The following AP3B1 variants were observed in gnomAD, a reference collection of about 807,000 sequenced individuals.
AP3B1 encodes the protein AP-3 complex subunit beta-1.
Under a neutral mutation model 132.5 loss-of-function variants are expected in AP3B1, and 61 were observed. The ratio of observed to expected loss-of-function variants is 0.46; its 90% confidence interval spans 0.37 to 0.57. The LOEUF (loss-of-function observed/expected upper bound fraction) is 0.57, where lower values mean the gene tolerates loss of function less well. AP3B1 is among the 20% of genes least tolerant of loss of function. The pLI, the probability that AP3B1 is intolerant of heterozygous loss-of-function variation, is 0.00. For synonymous variants in AP3B1, 388 were observed against 438.3 expected (o/e 0.89, Z 1.43); for missense variants, 1,120 against 1,289.4 (o/e 0.87, Z 2.01).
Position 78,148,937 on chromosome 5 carries a change from C to T in AP3B1, c.1473+7321G>A, listed in dbSNP as rs142552334. On this transcript the variant is annotated intron_variant, in intron 14 of 26. Transcript: ENST00000255194. Reference sequence around the variant, plus strand: ...AGCAGTGTTACAATGACTAGAGACACGACTGAATTTTGATGCTTGGTGGAT... The same window carrying T: ...AGCAGTGTTACAATGACTAGAGACATGACTGAATTTTGATGCTTGGTGGAT... Among the ~76,000 whole-genome samples, 321 of 152,218 alleles carry T rather than the reference C, an allele frequency of 2.1e-3. 7 individuals carry two copies. The highest frequency in any genetic ancestry group is 0.02 in the East Asian group (103 of 5,182).
At chr5:78,074,959 A>G (rs1468644654) in intron 22 of AP3B1, among the ~76,000 whole-genome samples, 1 of 152,210 alleles carries the variant, frequency 6.6e-6, no homozygotes, top group Non-Finnish European at 1.5e-5. Context: ...TTCTTCTACT[A>G]TATTAGAAAA....
chr5:78,002,733 A>G lies in AP3B1; in HGVS notation c.*169T>C, dbSNP rs1746236187. Reference sequence around the variant, plus strand: ...AAAGCAAAAAGGGGGAAAGTATTGCATACATGATAGATACACACTAGCATT... The same window carrying G: ...AAAGCAAAAAGGGGGAAAGTATTGCGTACATGATAGATACACACTAGCATT... On this transcript the variant is annotated 3_prime_UTR_variant, in exon 27 of 27. Transcript: ENST00000255194. 3 of 788,728 alleles carry G rather than the reference A, an allele frequency of 3.8e-6. No homozygotes were observed. The highest frequency in any genetic ancestry group is 6.5e-6 in the Non-Finnish European group (3 of 460,922). The allele number at this position is 788,728 out of a possible 1,614,324, so 48.9% of individuals were successfully genotyped here. A position where few individuals can be genotyped will look rare whatever the true frequency, so the allele number is the denominator to read the frequency against.
At chr5:78,136,173 A>G (rs1445781390) in intron 15 of AP3B1, among the ~76,000 whole-genome samples, 1 of 152,162 alleles carries the variant, frequency 6.6e-6, no homozygotes, top group African/African-American at 2.4e-5. Context: ...CCTAAGAAGA[A>G]TACAGCAGTT....
At chr5:78,278,941 C>A (rs971151369) in intron 1 of AP3B1, among the ~76,000 whole-genome samples, 1 of 152,072 alleles carries the variant, frequency 6.6e-6, no homozygotes, top group African/African-American at 2.4e-5. Context: ...CCAACCCCCA[C>A]CCCCTTCCAT....
intron 17 of AP3B1, among the ~76,000 whole-genome samples, chr5:78,121,306 A>G (rs1232353751): frequency 1.3e-5 from 2 of 152,162 alleles, no homozygotes; most frequent in Non-Finnish European, 2.9e-5. Flanking sequence ...GAGCAAACAC[A>G]TTCAAAAGCT....
chr5:78,110,237 T>C lies in AP3B1; in HGVS notation c.2367A>G (p.Glu789=). 1 of 1,607,868 alleles carries C rather than the reference T, an allele frequency of 6.2e-7. No homozygotes were observed. Among genetic ancestry groups the C allele is most frequent in the East Asian group, 2.2e-5 (1 of 44,754 alleles). ...SSDSESESEP[E]SESESRRVTK... ...TGACTCTTCTGGATTCAGATTCACTTTCAGGTTCTGACTCTGATTCAGAAT... is the reference window on the plus strand; with the variant it reads ...TGACTCTTCTGGATTCAGATTCACTCTCAGGTTCTGACTCTGATTCAGAAT... Residue 789 remains glutamate (E), a synonymous_variant, in exon 20 of 27, where the codon GAA becomes GAG. Transcript: ENST00000255194.
chr5:78,170,764 T>C (rs946994471), intron 11 of AP3B1, among the ~76,000 whole-genome samples: 13 of 152,232 alleles, frequency 8.5e-5, no homozygotes, highest in Non-Finnish European at 1.9e-4. Context: ...ATTTTGGCTT[T>C]TGTTACCATT....
At chr5:78,194,140 G>A (rs1001507854) in intron 7 of AP3B1, among the ~76,000 whole-genome samples, 2 of 152,014 alleles carry the variant, frequency 1.3e-5, no homozygotes, top group African/African-American at 2.4e-5. Context: ...AAACAAAGTA[G>A]AAAAACCCCT....
At chr5:78,136,447 C>T (rs1354247485) in intron 15 of AP3B1, among the ~76,000 whole-genome samples, 3 of 152,128 alleles carry the variant, frequency 2.0e-5, no homozygotes, top group Admixed American at 2.0e-4. Flanking sequence ...CATAAAAATG[C>T]ACCCAGCTAA....
intron 23 of AP3B1, among the ~76,000 whole-genome samples, chr5:78,037,393 T>C (rs1263705131): frequency 2.6e-5 from 4 of 152,204 alleles, no homozygotes; most frequent in Admixed American, 1.3e-4. Flanking sequence ...CATTATATAA[T>C]AAAAATTAGG....
chr5:78,051,224 TAAC>T (rs764444671), intron 22 of AP3B1, among the ~76,000 whole-genome samples: 8 of 152,138 alleles, frequency 5.3e-5, no homozygotes, highest in Non-Finnish European at 8.8e-5. Context: ...ATCTCCCTAA[TAAC>T]AGACAGACAG....
At chr5:78,107,418 G>T (rs1013743557) in intron 20 of AP3B1, among the ~76,000 whole-genome samples, 1 of 152,098 alleles carries the variant, frequency 6.6e-6, no homozygotes, top group Admixed American at 6.5e-5. Context: ...CACACACTCT[G>T]TTTTTTTCAC....
At chr5:78,071,642 CT>C (rs1253470191) in intron 22 of AP3B1, among the ~76,000 whole-genome samples, 3 of 152,198 alleles carry the variant, frequency 2.0e-5, no homozygotes, top group Non-Finnish European at 2.9e-5. Context: ...GGGTTCTATA[CT>C]GATGACTCTG....
chr5:78,141,874 CTA>C (rs1753162661), intron 14 of AP3B1, among the ~76,000 whole-genome samples: 1 of 152,256 alleles, frequency 6.6e-6, no homozygotes, highest in African/African-American at 2.4e-5. Context: ...GCCCAGAAAT[CTA>C]TGTTTTAATT....
intron 22 of AP3B1, among the ~76,000 whole-genome samples, chr5:78,072,321 A>C (rs972337674): frequency 6.6e-6 from 1 of 152,230 alleles, no homozygotes; most frequent in African/African-American, 2.4e-5. Flanking sequence ...ACATCTAAAA[A>C]TGATATAAAA....
chr5:78,138,564 T>C (rs1561433442), intron 15 of AP3B1, among the ~76,000 whole-genome samples: 2 of 152,180 alleles, frequency 1.3e-5, no homozygotes, highest in Non-Finnish European at 2.9e-5. Flanking sequence ...TTCAAGACAC[T>C]ATTAATCTAT....
At position 78,039,179 on chromosome 5, in the gene AP3B1, C is replaced by G. The variant is rs770455413; in HGVS notation, c.2673G>C (p.Gln891His). The change falls in exon 23 of 27, where the codon CAG becomes CAC. Residue 891 changes from glutamine (Q) to histidine (H), a missense_variant. Gln to His is a conservative substitution (Grantham distance 24, BLOSUM62 0). Transcript: ENST00000255194. ...CCATCTTATCACCAAAAATGCAAGG[C>G]TGTCTTGGAAAGAAATAATGGGCAG... ...GLAAHYFFPR[Q>H]PCIFGDKMVS... 6.2e-7 allele frequency: 1 copy of G among 1,614,060 alleles called. No homozygotes were observed. The highest frequency in any genetic ancestry group is 1.1e-5 in the South Asian group (1 of 91,080).
intron 22 of AP3B1, among the ~76,000 whole-genome samples, chr5:78,047,589 A>G (rs889734918): frequency 2.2e-4 from 34 of 152,198 alleles, no homozygotes; most frequent in African/African-American, 6.5e-4. Context: ...TTCCTTGTAG[A>G]TTCTGGGTAT....
At position 78,103,149 on chromosome 5, in the gene AP3B1, T is replaced by A. The variant is rs1465809720; in HGVS notation, c.2398-2124A>T. 2.6e-5 allele frequency among the ~76,000 whole-genome samples: 4 copies of A among 152,318 alleles called. No homozygotes were observed. The East Asian group carries it at 5.8e-4, about 22-fold the overall frequency. On this transcript the variant is annotated intron_variant, in intron 20 of 26. Transcript: ENST00000255194. ...TCCTCTTATATTTCATTTTTCATTT[T>A]AAAAAATCCATAGTAAGTTCAAAAC...
Sources: allele counts gnomAD v4.1 joint callset (sites outside exome capture counted in the v4.1 genomes callset), GRCh38; gene constraint gnomAD v4.1.1; transcripts MANE v1.5; gene names NCBI Gene and HGNC (gene_info 2026-07-23, HGNC 2026-07-21).